The following CFAP157 variants were observed in gnomAD, a reference collection of about 807,000 sequenced individuals.
The protein encoded by CFAP157 is cilia and flagella associated protein 157.
In CFAP157, 43 loss-of-function variants were observed where a neutral mutation model predicts 57.8. The observed-to-expected ratio is 0.74, with a 90% CI of 0.58 to 0.96. The LOEUF (loss-of-function observed/expected upper bound fraction) is 0.96, where lower values mean the gene tolerates loss of function less well. Among genes scored for constraint, CFAP157 ranks in the 40% least tolerant of loss-of-function variants. CFAP157 has a pLI of 0.00. For missense variants in CFAP157, 606 were observed against 655.3 expected (o/e 0.92, Z 0.82); for synonymous variants, 267 against 269.0 (o/e 0.99, Z 0.07).
At chr9:127,711,715 A>G (rs988560089) in intron 4 of CFAP157, 105 bp from the exon 5 acceptor site, 1 of 1,329,286 alleles carries the variant, frequency 7.5e-7, no homozygotes, top group Non-Finnish European at 1.0e-6. Flanking sequence ...CCAGCCCTGG[A>G]GAGCTCACTG....
rs764392455 is a variant in CFAP157 at position 127,711,230 on chromosome 9, C to T, written c.589C>T (p.Leu197=). 1.1e-5 allele frequency: 18 copies of T among 1,613,492 alleles called. No homozygotes were observed. Among genetic ancestry groups the T allele is most frequent in the East Asian group, 2.2e-5 (1 of 44,858 alleles). ...TTCCCCTCCCACCTTTCTGGCCAGA[C>T]TGAGGAAAGAGATCATCCAGCGCGT... ...EKKSVLDKDR[L]RKEIIQRVNL... The change falls in exon 4 of 9, where the codon CTG becomes TTG. Residue 197 remains leucine, a splice_region_variant and synonymous_variant. Transcript: ENST00000373295.
In CFAP157 at chr9:127,714,439, G is replaced by T. The variant is rs771549697; in HGVS notation, c.*534G>T. On this transcript the variant is annotated 3_prime_UTR_variant, in exon 9 of 9. Coordinates refer to ENST00000373295, the MANE Select transcript of CFAP157 (RefSeq NM_001012502.3). Reference sequence around the variant, plus strand: ...CATTGTGGCCCCTTCAAGGGATATGGGAGGGGCAGTTAGTGCCTCCCTGGG... The same window carrying T: ...CATTGTGGCCCCTTCAAGGGATATGTGAGGGGCAGTTAGTGCCTCCCTGGG... 6.8e-6 allele frequency: 11 copies of T among 1,614,020 alleles called. No homozygotes were observed. Among genetic ancestry groups the T allele is most frequent in the Non-Finnish European group, 9.3e-6 (11 of 1,179,988 alleles).
Position 127,709,839 on chromosome 9 carries a change from C to G in CFAP157, c.433+146C>G. The G allele has an allele frequency of 1.0e-6, 1 of 982,328 alleles. No homozygotes were observed. Among genetic ancestry groups the G allele is most frequent in the South Asian group, 1.7e-5 (1 of 58,232 alleles). The allele number at this position is 982,328 out of a possible 1,614,324, so 60.9% of individuals were successfully genotyped here. A position where few individuals can be genotyped will look rare whatever the true frequency, so the allele number is the denominator to read the frequency against. ...TAATTGTCCCAGCAATCCTACGAAG[C>G]TGGAAACATCCCCCAACCAGTTTGT... On this transcript the variant is annotated intron_variant, in intron 2 of 8. Transcript: ENST00000373295. The surrounding 1 kb of genome is among the most constrained non-coding windows in gnomAD (Gnocchi z 4.7).
Position 127,715,136 on chromosome 9 carries a change from A to G in CFAP157, c.*1231A>G, listed in dbSNP as rs753301562. The G allele has an allele frequency of 6.5e-7, 1 of 1,537,126 alleles. No homozygotes were observed. Among genetic ancestry groups the G allele is most frequent in the Non-Finnish European group, 8.7e-7 (1 of 1,147,348 alleles). On this transcript the variant is annotated 3_prime_UTR_variant, in exon 9 of 9. Transcript: ENST00000373295. The surrounding 1 kb of genome is among the most constrained non-coding windows in gnomAD (Gnocchi z 5.8). Reference sequence around the variant, plus strand: ...CAGCCGCCGCGCCAGCTGCCCCAGCACCGCCATGCCCACGCTGTGTCGCGT... The same window carrying G: ...CAGCCGCCGCGCCAGCTGCCCCAGCGCCGCCATGCCCACGCTGTGTCGCGT...
intron 1 of CFAP157, among the ~76,000 whole-genome samples, chr9:127,707,755 G>C (rs58892501): frequency 0.014 from 2,199 of 152,276 alleles, 65 homozygotes; most frequent in African/African-American, 0.05. Flanking sequence ...TCTTCATTCA[G>C]AGCCATGTTC....
intron 8 of CFAP157, 62 bp from the exon 9 acceptor site, chr9:127,713,772 G>A: frequency 1.4e-6 from 2 of 1,419,718 alleles, no homozygotes; most frequent in South Asian, 2.3e-5. Flanking sequence ...CTCCCAAAGT[G>A]CTGGGATTAT....
At position 127,713,176 on chromosome 9, in the gene CFAP157, G is replaced by A; in HGVS notation, c.1461G>A (p.Val487=). The A allele has an allele frequency of 6.3e-7, 1 of 1,575,684 alleles. No homozygotes were observed. The highest frequency in any genetic ancestry group is 1.2e-5 in the South Asian group (1 of 85,360). The change falls in exon 8 of 9, where the codon GTG becomes GTA. Residue 487 remains valine (V), a synonymous_variant. Transcript: ENST00000373295. ...GGCTGCTGTCATATATCACCCGTGT[G>A]GGGACCTTCCGGGCACACAGCAGCC... ...DLRLLSYITR[V]GTFRAHSSPE...
rs1842782296 is a variant in CFAP157, at chr9:127,712,217, G to A, written c.1005G>A (p.Leu335=). ...GGTCCAGGAGCCAGAGAGACCAGCT[G>A]AGCCTGCAGCTGGAGCAGCAGCAGG... ...NQALKSQRDQ[L]SLQLEQQQVD... Residue 335 remains leucine, a synonymous_variant, in exon 6 of 9, where the codon CTG becomes CTA. Coordinates refer to ENST00000373295, the MANE Select transcript of CFAP157 (RefSeq NM_001012502.3). 1 of 1,613,970 alleles carries A rather than the reference G, an allele frequency of 6.2e-7. No individual in the cohort carries two copies. Among genetic ancestry groups the A allele is most frequent in the Non-Finnish European group, 8.5e-7 (1 of 1,179,966 alleles).
rs1309580559 is a variant in CFAP157 at position 127,713,841 on chromosome 9, C to T, written c.1499C>T (p.Ala500Val). ...GCATCTTTAATCTTACAGATGCGTG[C>T]CCCTGGTTCTCTAAAAAGGCTTGAA... Reference protein sequence around the residue: ...FRAHSSPEMRAPGSLKRLEKF... With the variant: ...FRAHSSPEMRVPGSLKRLEKF... The change falls in exon 9 of 9, where the codon GCC (alanine) becomes GTC (valine). Residue 500 changes from alanine (A) to valine (V), a missense_variant. By Grantham distance (64) the Ala-to-Val change is moderately conservative (BLOSUM62 0). Coordinates refer to ENST00000373295, the MANE Select transcript of CFAP157 (RefSeq NM_001012502.3). The T allele has an allele frequency of 1.2e-6, 2 of 1,613,708 alleles. No homozygotes were observed. The highest frequency in any genetic ancestry group is 1.7e-5 in the Admixed American group (1 of 60,010).
intron 8 of CFAP157, chr9:127,713,572 T>C (rs544004812): frequency 3.2e-6 from 1 of 316,900 alleles, no homozygotes; most frequent in Non-Finnish European, 5.8e-6. Flanking sequence ...AGTGCCACAA[T>C]CTCAGCTCAC....
Position 127,715,889 on chromosome 9 carries a change from T to C in CFAP157, c.*1984T>C. On this transcript the variant is annotated 3_prime_UTR_variant, in exon 9 of 9. Transcript: ENST00000373295. The surrounding 1 kb of genome is among the most constrained non-coding windows in gnomAD (Gnocchi z 5.8). ...CTCGGAGCTCTTGCTTGACCTTCGG[T>C]TGGGAGGCCTTGTTATGCCCCCCGC... 1 of 802,648 alleles carries C rather than the reference T, an allele frequency of 1.2e-6. No homozygotes were observed. The highest frequency in any genetic ancestry group is 1.9e-6 in the Non-Finnish European group (1 of 518,502). The allele number at this position is 802,648 out of a possible 1,614,324, so 49.7% of individuals were successfully genotyped here.
rs1000115192 is a variant in CFAP157, at chr9:127,712,714, C to A, written c.1143C>A (p.His381Gln). ...TSFLQNILQM[H>Q]RDEEDSDVDV... ...CACCCCACCCTCACCAACAGATGCA[C>A]CGCGATGAAGAGGACAGTGACGTTG... Residue 381 changes from histidine to glutamine, a missense_variant, in exon 7 of 9, where the codon CAC becomes CAA. His to Gln is a conservative substitution (Grantham distance 24). Coordinates refer to ENST00000373295, the MANE Select transcript of CFAP157 (RefSeq NM_001012502.3). 6.2e-7 allele frequency: 1 copy of A among 1,614,174 alleles called. No individual in the cohort carries two copies.
Position 127,714,755 on chromosome 9 carries a change from A to G in CFAP157, c.*850A>G, listed in dbSNP as rs553112968. ...TTACTGCCCATCTGCCCAGAGAGGC[A>G]CTGTCCCGACTCCCATGATGAGGGA... is the stretch of plus-strand genomic sequence containing the variant. On this transcript the variant is annotated 3_prime_UTR_variant, in exon 9 of 9. Coordinates refer to ENST00000373295, the MANE Select transcript of CFAP157 (RefSeq NM_001012502.3). The G allele has an allele frequency of 3.7e-5, 53 of 1,435,208 alleles. 2 individuals carry two copies. The South Asian group carries it at 6.2e-4, about 17-fold the overall frequency. The allele number at this position is 1,435,208 out of a possible 1,614,324, so 88.9% of individuals were successfully genotyped here.
rs941439923 is a variant in CFAP157, at chr9:127,709,807, TCTTC to T, written c.433+118_433+121del. The T allele has an allele frequency of 8.5e-7, 1 of 1,177,958 alleles. No individual in the cohort carries two copies. Among genetic ancestry groups the T allele is most frequent in the Non-Finnish European group, 1.2e-6 (1 of 842,956 alleles). The allele number at this position is 1,177,958 out of a possible 1,614,324, so 73.0% of individuals were successfully genotyped here. On this transcript the variant is annotated intron_variant, in intron 2 of 8. Transcript: ENST00000373295. This position sits in a 1 kb window ranked among gnomAD's most constrained non-coding sequence, Gnocchi z 4.7. ...GCCACATGCTGCTTGGCACACACTG[TCTTC>T]CTTAATTGTCCCAGCAATCCTACGA...
chr9:127,712,372 G>A, intron 6 of CFAP157, 23 bp downstream of exon 6: 1 of 1,612,284 alleles, frequency 6.2e-7, no homozygotes, highest in Non-Finnish European at 8.5e-7. Context: ...GAGAGAGGGA[G>A]GGCGCAAGGG....
At position 127,711,446 on chromosome 9, in the gene CFAP157, C is replaced by T. The variant is rs577708225; in HGVS notation, c.805C>T (p.Leu269=). The change falls in exon 4 of 9, where the codon CTG becomes TTG. Residue 269 remains leucine, a synonymous_variant. Coordinates refer to ENST00000373295, the MANE Select transcript of CFAP157 (RefSeq NM_001012502.3). The stretch of plus-strand genomic sequence containing the variant: ...CAATCTGTGCAAACAGCTGGAGCTG[C>T]TGGAGAACACCCAGAAGGTCATGGC... ...QNNLCKQLEL[L]ENTQKVMARH... 4 of 1,614,060 alleles carry T rather than the reference C, an allele frequency of 2.5e-6. No homozygotes were observed. In the East Asian group the frequency reaches 8.9e-5, roughly 36 times the overall value.
At position 127,713,171 on chromosome 9, in the gene CFAP157, C is replaced by T. The variant is rs575702552; in HGVS notation, c.1456C>T (p.Arg486Cys). ...CCTCAGGCTGCTGTCATATATCACC[C>T]GTGTGGGGACCTTCCGGGCACACAG... ...QDLRLLSYIT[R>C]VGTFRAHSSP... The change falls in exon 8 of 9, where the codon CGT (arginine) becomes TGT (cysteine). Residue 486 changes from arginine to cysteine, a missense_variant. Transcript: ENST00000373295. 513 of 1,578,380 alleles carry T rather than the reference C, an allele frequency of 3.3e-4. 5 individuals carry two copies. The South Asian group carries it at 4.5e-3, about 14-fold the overall frequency.
rs747394555 is a variant in CFAP157, at chr9:127,709,391, C to A, written c.162-31C>A. On this transcript the variant is annotated intron_variant, in intron 1 of 8. Coordinates refer to ENST00000373295, the MANE Select transcript of CFAP157 (RefSeq NM_001012502.3). The surrounding 1 kb of genome is among the most constrained non-coding windows in gnomAD (Gnocchi z 4.7). Reference sequence around the variant, plus strand: ...CAGAGGCCTGGCTTGCCCAGCCTGACCCCTGGACCACGGCTCTGCCCCTGC... The same window carrying A: ...CAGAGGCCTGGCTTGCCCAGCCTGAACCCTGGACCACGGCTCTGCCCCTGC... The A allele has an allele frequency of 2.5e-6, 4 of 1,605,126 alleles. No homozygotes were observed. In the South Asian group the frequency reaches 4.4e-5, roughly 18 times the overall value.
chr9:127,714,585 A>G lies in CFAP157; in HGVS notation c.*680A>G, dbSNP rs886543521. ...GGCCTGAAGCCCTATCCCAACCCTG[A>G]CCATCTCAGGACCTCACCTGGCACT... On this transcript the variant is annotated 3_prime_UTR_variant, in exon 9 of 9. Transcript: ENST00000373295. The G allele has an allele frequency of 1.2e-6, 2 of 1,611,794 alleles. No homozygotes were observed. The highest frequency in any genetic ancestry group is 2.7e-5 in the African/African-American group (2 of 74,820).
Sources: gnomAD v4.1 joint callset for allele counts (sites outside exome capture counted in the v4.1 genomes callset) on GRCh38, gnomAD v4.1.1 for gene constraint, Gnocchi (gnomAD v3.1) non-coding constraint, MANE v1.5 for transcripts, NCBI Gene and HGNC (gene_info 2026-07-23, HGNC 2026-07-21) for gene names.